DENND5A: variants seen among roughly 807,000 people sequenced by gnomAD.
DENND5A encodes the protein DENN domain-containing protein 5A.
A neutral mutation model predicts 140.3 loss-of-function variants in DENND5A; 64 were observed. The ratio of observed to expected loss-of-function variants is 0.46; its 90% CI spans 0.37 to 0.56. DENND5A has a LOEUF of 0.56. Among genes scored for constraint, DENND5A ranks in the 20% least tolerant of loss-of-function variants. The pLI, the probability that DENND5A is intolerant of heterozygous loss-of-function variation, is 0.00. For synonymous variants in DENND5A, 605 were observed against 607.7 expected, an observed-to-expected ratio of 1.00 and a Z score of 0.07; for missense variants, 1,292 against 1,593.8, an observed-to-expected ratio of 0.81 and a Z score of 3.22.
chr11:9,178,101 G>A, intron 8 of DENND5A, 31 bp downstream of exon 8: 3 of 1,415,710 alleles, frequency 2.1e-6, no homozygotes, highest in Non-Finnish European at 3.0e-6. Flanking sequence ...AATCCAAGAG[G>A]CCTGAATGTA....
intron 5 of DENND5A, among the ~76,000 whole-genome samples, chr11:9,184,443 T>C (rs1280288234): frequency 2.0e-5 from 3 of 152,232 alleles, no homozygotes; most frequent in Non-Finnish European, 2.9e-5. Context: ...TCCTGCAAGA[T>C]TTTATATATG....
chr11:9,192,163 C>G (rs554879438), intron 5 of DENND5A, among the ~76,000 whole-genome samples: 2 of 152,152 alleles, frequency 1.3e-5, no homozygotes, highest in African/African-American at 4.8e-5. Context: ...GAGAAAAGAG[C>G]AGAGATGCAT....
chr11:9,179,193 T>C lies in DENND5A; in HGVS notation c.1456-120A>G, dbSNP rs1848645146. 5 of 816,864 alleles carry C rather than the reference T, an allele frequency of 6.1e-6. No individual in the cohort carries two copies. The African/African-American group carries it at 8.7e-5, about 14-fold the overall frequency. 50.6% of individuals were successfully genotyped at this position (816,864 alleles called of 1,614,324 possible). On this transcript the variant is annotated intron_variant, in intron 6 of 22. Coordinates refer to ENST00000328194, the MANE Select transcript of DENND5A (RefSeq NM_015213.4). ...CAGTGCTAATTTACTTAGCAGGAAA[T>C]GATGAGAACAAAAGAGGAAAAACTG...
intron 12 of DENND5A, among the ~76,000 whole-genome samples, chr11:9,157,890 A>G (rs887417112): frequency 1.3e-5 from 2 of 152,186 alleles, no homozygotes; most frequent in African/African-American, 2.4e-5. Context: ...AGAAAGTGCA[A>G]GTTGCTTATT....
chr11:9,213,636 C>T (rs1158980643), intron 1 of DENND5A, among the ~76,000 whole-genome samples: 1 of 150,876 alleles, frequency 6.6e-6, no homozygotes, highest in Non-Finnish European at 1.5e-5. Context: ...GGTGAAAACC[C>T]ATCTCTACTA....
chr11:9,171,855 C>T (rs147580173), intron 8 of DENND5A: 1 of 152,230 alleles, frequency 6.6e-6, no homozygotes, highest in East Asian at 1.9e-4. Flanking sequence ...AAAGCAGAAC[C>T]TCTTAAAAAC....
At chr11:9,142,232 GT>G in intron 21 of DENND5A, 124 bp from the exon 22 acceptor site, 1 of 680,704 alleles carries the variant, frequency 1.5e-6, no homozygotes, top group Non-Finnish European at 2.4e-6. Flanking sequence ...TAGCACAAGT[GT>G]TCTGATGTCA....
At chr11:9,152,533 T>C in intron 12 of DENND5A, 91 bp from the exon 13 acceptor site, 1 of 863,740 alleles carries the variant, frequency 1.2e-6, no homozygotes, top group Non-Finnish European at 2.0e-6. Context: ...GCTAAAAAAA[T>C]ATATGTACTG....
At chr11:9,212,544 A>G (rs1196116516) in intron 1 of DENND5A, among the ~76,000 whole-genome samples, 1 of 152,130 alleles carries the variant, frequency 6.6e-6, no homozygotes, top group African/African-American at 2.4e-5. Context: ...AAGGATACAC[A>G]TTATATTCAA....
chr11:9,212,450 G>A (rs1049314915), intron 1 of DENND5A, among the ~76,000 whole-genome samples: 2 of 152,150 alleles, frequency 1.3e-5, no homozygotes, highest in African/African-American at 2.4e-5. Flanking sequence ...CAGTATAAAT[G>A]CCAATAAAAT....
intron 1 of DENND5A, among the ~76,000 whole-genome samples, chr11:9,242,265 A>AC (rs1851268389): frequency 6.6e-6 from 1 of 152,240 alleles, no homozygotes; most frequent in Non-Finnish European, 1.5e-5. Flanking sequence ...AACTCAGTAA[A>AC]TAAGAGCTGA....
In DENND5A at chr11:9,141,920, G is replaced by C; in HGVS notation, c.3680+20C>G. 6.4e-7 allele frequency: 1 copy of C among 1,560,862 alleles called. No homozygotes were observed. The highest frequency in any genetic ancestry group is 1.2e-5 in the South Asian group (1 of 81,032). ...ACCAAGGCTAACCGCTGTGCACTCT[G>C]GGCCCTGGGTCTGCAGTACCTGGCT... is the stretch of plus-strand genomic sequence containing the variant. On this transcript the variant is annotated intron_variant, in intron 22 of 22. Coordinates refer to ENST00000328194, the MANE Select transcript of DENND5A (RefSeq NM_015213.4).
chr11:9,235,068 A>AT (rs973281841), intron 1 of DENND5A, among the ~76,000 whole-genome samples: 12 of 152,284 alleles, frequency 7.9e-5, no homozygotes, highest in African/African-American at 2.6e-4. Flanking sequence ...CTGTGAAGAC[A>AT]TTTTGGCAGT....
At chr11:9,222,172 T>C (rs1264363821) in intron 1 of DENND5A, among the ~76,000 whole-genome samples, 1 of 152,250 alleles carries the variant, frequency 6.6e-6, no homozygotes, top group Non-Finnish European at 1.5e-5. Flanking sequence ...ATCTATCACC[T>C]AGCTTTAGCA....
At chr11:9,263,266 A>C (rs1236874402) in intron 1 of DENND5A, among the ~76,000 whole-genome samples, 1 of 151,004 alleles carries the variant, frequency 6.6e-6, no homozygotes, top group African/African-American at 2.4e-5. Context: ...GTAGTGGCGC[A>C]ATCACCCAGA....
chr11:9,144,401 C>T, intron 18 of DENND5A, 123 bp from the exon 19 acceptor site: 1 of 936,100 alleles, frequency 1.1e-6, no homozygotes, highest in African/African-American at 1.7e-5. Context: ...TCCTTCAATG[C>T]TCTGCTGGTT....
At chr11:9,161,637 T>G (rs1847987657) in intron 11 of DENND5A, among the ~76,000 whole-genome samples, 2 of 152,318 alleles carry the variant, frequency 1.3e-5, no homozygotes, top group Admixed American at 6.5e-5. Context: ...CTGCTTATTG[T>G]AAGATCATAA....
At chr11:9,232,430 T>C (rs1413147055) in intron 1 of DENND5A, among the ~76,000 whole-genome samples, 2 of 152,118 alleles carry the variant, frequency 1.3e-5, no homozygotes, top group Admixed American at 6.6e-5. Context: ...AAGCCCTGAA[T>C]AGATACTTCA....
In DENND5A at chr11:9,147,822, G is replaced by A. The variant is rs533006091; in HGVS notation, c.2736-671C>T. 4.6e-5 allele frequency among the ~76,000 whole-genome samples: 7 copies of A among 152,232 alleles called. No individual in the cohort carries two copies. In the South Asian group the frequency reaches 1.5e-3, roughly 32 times the overall value. ...ATTCCAGGCCCTCCGCAGCTTCAAA[G>A]CAATGATATCTTCCCCCAAATAGAG... On this transcript the variant is annotated intron_variant, in intron 15 of 22. Transcript: ENST00000328194.
Sources: gnomAD v4.1 joint callset for allele counts (sites outside exome capture counted in the v4.1 genomes callset) on GRCh38, gnomAD v4.1.1 for gene constraint, MANE v1.5 for transcripts, NCBI Gene and HGNC (gene_info 2026-07-23, HGNC 2026-07-21) for gene names.